Variants in HERC4 observed in about 807,000 individuals in gnomAD.
The protein encoded by HERC4 is probable E3 ubiquitin-protein ligase HERC4.
A neutral mutation model predicts 124.3 loss-of-function variants in HERC4; 28 were observed. The ratio of observed to expected loss-of-function variants is 0.23; its 90% confidence interval spans 0.17 to 0.31. The LOEUF (loss-of-function observed/expected upper bound fraction) is 0.31, where lower values mean the gene tolerates loss of function less well. Ranked by LOEUF, HERC4 falls within the 10% of genes least tolerant of loss-of-function variation. The probability of loss-of-function intolerance (pLI) is 1.00; values close to 1 mark genes in which losing one functional copy is unlikely to be tolerated. For missense variants in HERC4, 713 were observed against 1,229.3 expected (o/e 0.58, Z 6.28); for synonymous variants, 407 against 421.5 (o/e 0.97, Z 0.42).
chr10:67,967,544 T>G (rs1049100675), intron 15 of HERC4, among the ~76,000 whole-genome samples: 5 of 152,118 alleles, frequency 3.3e-5, no homozygotes, highest in Admixed American at 6.5e-5. Context: ...ATGTGAAAAA[T>G]GAAGAGGATG....
chr10:68,064,107 G>A (rs2041173866), intron 3 of HERC4, among the ~76,000 whole-genome samples: 1 of 151,888 alleles, frequency 6.6e-6, no homozygotes. Context: ...GCCAGGGATG[G>A]TGGCACACGC....
intron 3 of HERC4, chr10:68,069,562 C>T: frequency 3.0e-6 from 3 of 985,378 alleles, no homozygotes; most frequent in Non-Finnish European, 3.6e-6. Context: ...CTATTCACTA[C>T]ATTGTCAGGC....
intron 3 of HERC4, among the ~76,000 whole-genome samples, chr10:68,053,142 T>C (rs12414741): frequency 0.098 from 14,932 of 152,208 alleles, 815 homozygotes; most frequent in South Asian, 0.15. Context: ...AAAATCACCA[T>C]GAACATTGAC....
At chr10:68,012,343 T>G (rs1329205894) in intron 9 of HERC4, among the ~76,000 whole-genome samples, 1 of 152,248 alleles carries the variant, frequency 6.6e-6, no homozygotes, top group Non-Finnish European at 1.5e-5. Context: ...GCTTTTGATA[T>G]GCCTTCTTCA....
chr10:68,006,897 A>G (rs2037601724), intron 9 of HERC4, among the ~76,000 whole-genome samples: 1 of 152,014 alleles, frequency 6.6e-6, no homozygotes, highest in Admixed American at 6.6e-5. Context: ...GCTGCTTTTG[A>G]GATCCTTTCT....
rs34966031 is a variant in HERC4 at position 68,035,156 on chromosome 10, CTTTTT to C, written c.464-975_464-971del. Among the ~76,000 whole-genome samples the C allele has an allele frequency of 2.1e-5, 3 of 139,668 alleles. No individual in the cohort carries two copies. The Admixed American group carries it at 2.2e-4, about 10-fold the overall frequency. 91.6% of individuals were successfully genotyped at this position (139,668 alleles called of 152,430 possible). A position where few individuals can be genotyped will look rare whatever the true frequency, so the allele number is the denominator to read the frequency against. ...GTTCCTCTTTCAAGAGACAACCACT[CTTTTT>C]TTTTTTTTTTTGAGACAGTCTTGCT... On this transcript the variant is annotated intron_variant, in intron 5 of 24. Transcript: ENST00000373700.
intron 3 of HERC4, chr10:68,069,198 CT>C: frequency 1.0e-6 from 1 of 962,416 alleles, no homozygotes. Flanking sequence ...ATCTTCAGAA[CT>C]GAATTTGAAA....
At chr10:67,996,315 AC>A (rs1301102049) in intron 9 of HERC4, among the ~76,000 whole-genome samples, 5 of 1,108 alleles carry the variant, frequency 4.5e-3, no homozygotes, top group South Asian at 0.05. Flanking sequence ...TGAAATAGAC[AC>A]CCCCCCTGCC....
At position 67,932,705 on chromosome 10, in the gene HERC4, C is replaced by T. The variant is rs749905264; in HGVS notation, c.2730G>A (p.Ala910=). ...TTCCTCCACAGACCTTATGAAAGCC[C>T]GCATGAAAAGCATCAAATAAGGAAG... ...SVASLFDAFH[A]GFHKVCGGKV... is the part of the protein sequence containing the mutation. Residue 910 remains alanine, a synonymous_variant, in exon 23 of 25, where the codon GCG becomes GCA. Coordinates refer to ENST00000373700, the MANE Select transcript of HERC4 (RefSeq NM_015601.4). 2.7e-5 allele frequency: 43 copies of T among 1,600,322 alleles called. 1 individual carries two copies. The highest frequency in any genetic ancestry group is 3.3e-5 in the Non-Finnish European group (39 of 1,176,930).
intron 3 of HERC4, chr10:68,070,391 G>A: frequency 4.4e-6 from 2 of 454,248 alleles, no homozygotes; most frequent in Non-Finnish European, 5.8e-6. Context: ...CGGATCACCT[G>A]AGGTCAGGAG....
rs1183946717 is a variant in HERC4 at position 67,974,107 on chromosome 10, CACACACACACACAT to C, written c.1807-7319_1807-7306del. On this transcript the variant is annotated intron_variant, in intron 15 of 24. Coordinates refer to ENST00000373700, the MANE Select transcript of HERC4 (RefSeq NM_015601.4). ...ACACACACACACACACACACACACA[CACACACACACACAT>C]ACACACAGGGTCAGGAAAACAAGAC... Among the ~76,000 whole-genome samples, 467 of 145,314 alleles carry C rather than the reference CACACACACACACAT, an allele frequency of 3.2e-3. 12 individuals carry two copies. The highest frequency in any genetic ancestry group is 4.7e-3 in the South Asian group (21 of 4,468).
At chr10:67,959,168 G>A (rs374822244) in intron 16 of HERC4, 529 of 1,563,278 alleles carry the variant, frequency 3.4e-4, no homozygotes, top group African/African-American at 5.4e-4. Context: ...TAACAATAAC[G>A]AGGAAAGAGC....
intron 11 of HERC4, 83 bp from the exon 12 acceptor site, chr10:67,991,282 T>C: frequency 1.4e-6 from 1 of 729,578 alleles, no homozygotes; most frequent in Non-Finnish European, 2.1e-6. Context: ...TTAAAATGAA[T>C]AATTAATCTA....
intron 7 of HERC4, among the ~76,000 whole-genome samples, chr10:68,027,989 A>AG (rs2038992222): frequency 7.4e-6 from 1 of 135,094 alleles, no homozygotes; most frequent in African/African-American, 3.1e-5. Flanking sequence ...TATATTTTTA[A>AG]TTATATATAT....
intron 4 of HERC4, chr10:68,039,365 G>A: frequency 6.6e-7 from 1 of 1,513,478 alleles, no homozygotes; most frequent in South Asian, 1.3e-5. Context: ...CGGGGGATGG[G>A]GAGGTACACA....
At chr10:67,950,365 A>G (rs1249294725) in intron 19 of HERC4, among the ~76,000 whole-genome samples, 3 of 151,510 alleles carry the variant, frequency 2.0e-5, no homozygotes, top group Non-Finnish European at 2.9e-5. Context: ...AACCTCCGCC[A>G]TCCAGGTTCA....
At chr10:68,005,167 G>A (rs2037464379) in intron 9 of HERC4, among the ~76,000 whole-genome samples, 1 of 151,812 alleles carries the variant, frequency 6.6e-6, no homozygotes, top group Admixed American at 6.6e-5. Flanking sequence ...ATTTTATTGG[G>A]GTCTGTCTCT....
At chr10:67,935,363 T>C (rs1298870692) in intron 22 of HERC4, among the ~76,000 whole-genome samples, 1 of 152,120 alleles carries the variant, frequency 6.6e-6, no homozygotes, top group Non-Finnish European at 1.5e-5. Flanking sequence ...GCCAGGATGG[T>C]CTCGTTGTCG....
At chr10:67,954,847 A>C in intron 18 of HERC4, 109 bp from the exon 19 acceptor site, 1 of 1,193,682 alleles carries the variant, frequency 8.4e-7, no homozygotes. Flanking sequence ...TAATAGTTTA[A>C]AATAAATATA....
Sources: allele counts gnomAD v4.1 joint callset (sites outside exome capture counted in the v4.1 genomes callset), GRCh38; gene constraint gnomAD v4.1.1; transcripts MANE v1.5; gene names NCBI Gene and HGNC (gene_info 2026-07-23, HGNC 2026-07-21).